The following SMYD3 variants were observed in gnomAD, a reference collection of about 807,000 sequenced individuals.
SMYD3 encodes the protein SET and MYND domain containing 3, also known as histone-lysine N-methyltransferase SMYD3.
In SMYD3, 36 loss-of-function variants were observed where a neutral mutation model predicts 57.7. The ratio of observed to expected loss-of-function variants is 0.62; its 90% CI spans 0.48 to 0.82. SMYD3 has a LOEUF of 0.82. Ranked by LOEUF, SMYD3 falls within the 40% of genes least tolerant of loss-of-function variation. The pLI, the probability that SMYD3 is intolerant of heterozygous loss-of-function variation, is 0.00. For synonymous variants in SMYD3, 211 were observed against 195.0 expected (o/e 1.08, Z -0.68); for missense variants, 515 against 538.8 (o/e 0.96, Z 0.44).
intron 10 of SMYD3, among the ~76,000 whole-genome samples, chr1:245,831,961 G>A (rs536089643): frequency 5.3e-5 from 8 of 152,324 alleles, no homozygotes; most frequent in African/African-American, 1.4e-4. Flanking sequence ...TTTTCTCTGA[G>A]TAACAGATAT....
intron 5 of SMYD3, among the ~76,000 whole-genome samples, chr1:245,984,292 C>G (rs1478894717): frequency 6.6e-6 from 1 of 152,200 alleles, no homozygotes; most frequent in African/African-American, 2.4e-5. Context: ...GCTACTGACC[C>G]AGCCCAACCC....
chr1:246,444,213 G>A (rs144046945), intron 1 of SMYD3, among the ~76,000 whole-genome samples: 4,129 of 149,008 alleles, frequency 0.028, 151 homozygotes, highest in African/African-American at 0.077. Context: ...TGAAACCTCC[G>A]CCTCCCAGGT....
chr1:246,407,899 G>A (rs932450616), intron 1 of SMYD3, among the ~76,000 whole-genome samples: 1 of 151,456 alleles, frequency 6.6e-6, no homozygotes, highest in Non-Finnish European at 1.5e-5. Context: ...TGAGGAGGCT[G>A]GGAAATCCAA....
chr1:246,362,254 T>C (rs1252502597), intron 1 of SMYD3, among the ~76,000 whole-genome samples: 1 of 152,216 alleles, frequency 6.6e-6, no homozygotes, highest in East Asian at 1.9e-4. Flanking sequence ...ATCATATAGT[T>C]TAATTATGAA....
In SMYD3 at chr1:245,762,344, A is replaced by T. The variant is rs548787210; in HGVS notation, c.1185+1697T>A. Among the ~76,000 whole-genome samples the T allele has an allele frequency of 2.6e-5, 4 of 152,316 alleles. No homozygotes were observed. In the East Asian group the frequency reaches 7.7e-4, roughly 29 times the overall value. ...AGTTTCTAGTCCCATATAAACACAA[A>T]GGTCTAGTCTGATCACTTACGAACA... is the stretch of plus-strand genomic sequence containing the variant. On this transcript the variant is annotated intron_variant, in intron 11 of 11. Transcript: ENST00000490107.
intron 1 of SMYD3, among the ~76,000 whole-genome samples, chr1:246,360,749 T>C (rs368309996): frequency 1.3e-5 from 2 of 152,074 alleles, no homozygotes; most frequent in African/African-American, 4.8e-5. Flanking sequence ...AAGCCACCTA[T>C]AGAAGAATGA....
chr1:246,425,674 T>C (rs1029437527), intron 1 of SMYD3, among the ~76,000 whole-genome samples: 3 of 152,222 alleles, frequency 2.0e-5, no homozygotes, highest in Non-Finnish European at 2.9e-5. Flanking sequence ...TTGCCAATAG[T>C]TGCGGCCTGT....
At chr1:245,933,835 C>T (rs2056856897) in intron 5 of SMYD3, among the ~76,000 whole-genome samples, 1 of 152,136 alleles carries the variant, frequency 6.6e-6, no homozygotes, top group Non-Finnish European at 1.5e-5. Context: ...AAAATCACTA[C>T]TAAGCCATTA....
rs150127545 is a variant in SMYD3, at chr1:245,858,616, C to T, written c.956G>A (p.Arg319Gln). Residue 319 changes from arginine to glutamine, a missense_variant, in exon 10 of 12, where the codon CGG becomes CAG. By Grantham distance (43) the Arg-to-Gln change is conservative. Transcript: ENST00000490107. ...CTGGTAGATGTTGATATCGGGAAGCCGTTCAGAATTGCTGCTTATGATTGC... is the reference window on the plus strand; with the variant it reads ...CTGGTAGATGTTGATATCGGGAAGCTGTTCAGAATTGCTGCTTATGATTGC... ...CQAIISSNSE[R>Q]LPDINIYQLK... 2.5e-5 allele frequency: 41 copies of T among 1,614,072 alleles called. No homozygotes were observed. The highest frequency in any genetic ancestry group is 3.3e-4 in the Middle Eastern group (2 of 6,084).
rs1223810487 is a variant in SMYD3 at position 246,202,404 on chromosome 1, G to A, written c.531+124797C>T. Reference sequence around the variant, plus strand: ...GAAGCTTTCCAATCTCTTAGCCCAAGTTCTTTTTCCAACCAAGTCAGAGGA... The same window carrying A: ...GAAGCTTTCCAATCTCTTAGCCCAAATTCTTTTTCCAACCAAGTCAGAGGA... On this transcript the variant is annotated intron_variant, in intron 5 of 11. Transcript: ENST00000490107. This position sits in a 1 kb window ranked among gnomAD's most constrained non-coding sequence, Gnocchi z 4.1. 6.6e-6 allele frequency among the ~76,000 whole-genome samples: 1 copy of A among 152,084 alleles called. No homozygotes were observed. The highest frequency in any genetic ancestry group is 1.5e-5 in the Non-Finnish European group (1 of 68,024).
At chr1:246,147,899 C>A (rs1281749990) in intron 5 of SMYD3, among the ~76,000 whole-genome samples, 1 of 152,090 alleles carries the variant, frequency 6.6e-6, no homozygotes, top group Admixed American at 6.5e-5. Flanking sequence ...CTGGAGGGCC[C>A]GGGAAGACCC....
chr1:246,440,151 T>G (rs2067441306), intron 1 of SMYD3, among the ~76,000 whole-genome samples: 1 of 151,924 alleles, frequency 6.6e-6, no homozygotes, highest in African/African-American at 2.4e-5. Flanking sequence ...AAGAAGAAAA[T>G]AATCCCATCA....
chr1:246,373,717 T>C (rs760990817), intron 1 of SMYD3, among the ~76,000 whole-genome samples: 1 of 152,230 alleles, frequency 6.6e-6, no homozygotes, highest in Admixed American at 6.5e-5. Flanking sequence ...CAACTTCATC[T>C]GATGGTTCAT....
intron 5 of SMYD3, among the ~76,000 whole-genome samples, chr1:246,154,070 T>A (rs79209830): frequency 0.031 from 4,654 of 152,248 alleles, 136 homozygotes; most frequent in South Asian, 0.11. Flanking sequence ...TGTGGCCTCA[T>A]TACACTGCAA....
intron 5 of SMYD3, among the ~76,000 whole-genome samples, chr1:246,298,747 C>A (rs887217118): frequency 1.3e-5 from 2 of 151,700 alleles, no homozygotes; most frequent in African/African-American, 4.9e-5. Context: ...CTTTTAAAAG[C>A]CAGAGAAAAT....
intron 5 of SMYD3, among the ~76,000 whole-genome samples, chr1:245,999,594 A>G (rs1323538382): frequency 6.8e-6 from 1 of 146,500 alleles, no homozygotes; most frequent in African/African-American, 2.6e-5. Context: ...GAGTGAGTCA[A>G]AAAAAGAAAA....
chr1:245,786,152 T>C (rs1292656142), intron 10 of SMYD3, among the ~76,000 whole-genome samples: 1 of 124,008 alleles, frequency 8.1e-6, no homozygotes. Flanking sequence ...AAACTTACCA[T>C]GATAACTAGT....
rs181217224 is a variant in SMYD3, at chr1:246,482,904, A to G, written c.164+24150T>C. Reference sequence around the variant, plus strand: ...CTCCACAGACAAGGGCAGACCAAGGAGCCTCTGATTCCCCAGAGTCTACAG... The same window carrying G: ...CTCCACAGACAAGGGCAGACCAAGGGGCCTCTGATTCCCCAGAGTCTACAG... On this transcript the variant is annotated intron_variant, in intron 1 of 11. Coordinates refer to ENST00000490107, the MANE Select transcript of SMYD3 (RefSeq NM_001167740.2). Among the ~76,000 whole-genome samples, 28 of 151,806 alleles carry G rather than the reference A, an allele frequency of 1.8e-4. No homozygotes were observed. In the East Asian group the frequency reaches 5.1e-3, roughly 27 times the overall value.
At chr1:246,139,132 T>C (rs963820619) in intron 5 of SMYD3, among the ~76,000 whole-genome samples, 19 of 152,344 alleles carry the variant, frequency 1.2e-4, no homozygotes, top group Admixed American at 1.3e-4. Flanking sequence ...TTCAGGGGAC[T>C]GATTGAGTGT....
Sources: gnomAD v4.1 joint callset for allele counts (sites outside exome capture counted in the v4.1 genomes callset) on GRCh38, gnomAD v4.1.1 for gene constraint, Gnocchi (gnomAD v3.1) non-coding constraint, MANE v1.5 for transcripts, NCBI Gene and HGNC (gene_info 2026-07-23, HGNC 2026-07-21) for gene names.